CHSY3: variants seen among roughly 807,000 people sequenced by gnomAD.
CHSY3 encodes the protein chondroitin sulfate synthase 3, also known as N-acetylgalactosaminyl-proteoglycan 3-beta-glucuronosyltransferase 3.
Under a neutral mutation model 67.2 loss-of-function variants are expected in CHSY3, and 35 were observed. The ratio of observed to expected loss-of-function variants is 0.52; its 90% confidence interval spans 0.40 to 0.69. CHSY3 has a LOEUF of 0.69. Among genes scored for constraint, CHSY3 ranks in the 30% least tolerant of loss-of-function variants. The pLI is 0.00. For missense variants in CHSY3, 1,069 were observed against 1,138.5 expected (o/e 0.94, Z 0.88); for synonymous variants, 474 against 434.7 (o/e 1.09, Z -1.12).
At chr5:130,045,141 C>T (rs1380250871) in intron 2 of CHSY3, among the ~76,000 whole-genome samples, 1 of 152,076 alleles carries the variant, frequency 6.6e-6, no homozygotes, top group Non-Finnish European at 1.5e-5. Flanking sequence ...CAGACACACA[C>T]CACCATGCCT....
chr5:129,995,618 C>T (rs996325866), intron 2 of CHSY3, among the ~76,000 whole-genome samples: 1 of 149,340 alleles, frequency 6.7e-6, no homozygotes. Flanking sequence ...TTCTTCGTTC[C>T]TTCCTTCTCT....
chr5:130,024,743 A>T (rs1406818510), intron 2 of CHSY3, among the ~76,000 whole-genome samples: 2 of 152,200 alleles, frequency 1.3e-5, no homozygotes, highest in Admixed American at 6.6e-5. Flanking sequence ...AGCAGCGTTC[A>T]TAAATGATCT....
intron 2 of CHSY3, among the ~76,000 whole-genome samples, chr5:129,942,709 A>G (rs1196712786): frequency 2.6e-5 from 4 of 152,260 alleles, no homozygotes; most frequent in South Asian, 2.1e-4. Context: ...AAAGCCTATT[A>G]TCTTTGCATT....
chr5:130,086,321 T>C (rs557870917), intron 2 of CHSY3, among the ~76,000 whole-genome samples: 104 of 152,220 alleles, frequency 6.8e-4, no homozygotes, highest in African/African-American at 2.4e-3. Context: ...ATATTTAGGA[T>C]AGTTAGCTCT....
chr5:130,131,827 G>A (rs978824577), intron 2 of CHSY3, among the ~76,000 whole-genome samples: 1 of 152,148 alleles, frequency 6.6e-6, no homozygotes, highest in Non-Finnish European at 1.5e-5. Flanking sequence ...CCCAGAGCCT[G>A]GAACAATGTG....
At chr5:129,912,765 C>G (rs1760609660) in intron 2 of CHSY3, among the ~76,000 whole-genome samples, 1 of 152,092 alleles carries the variant, frequency 6.6e-6, no homozygotes, top group Non-Finnish European at 1.5e-5. Flanking sequence ...AATAAAGAGG[C>G]CTTTGGTTGA....
chr5:130,023,969 T>A lies in CHSY3; in HGVS notation c.1086+115609T>A, dbSNP rs551363518. Among the ~76,000 whole-genome samples the A allele has an allele frequency of 2.6e-5, 4 of 152,036 alleles. No homozygotes were observed. In the East Asian group the frequency reaches 7.7e-4, roughly 29 times the overall value. ...GAAATACAAGCTTTTTGGCATGAAC[T>A]ACTTATCACATTTTCCTAATACTAG... On this transcript the variant is annotated intron_variant, in intron 2 of 2. Transcript: ENST00000305031.
chr5:130,060,334 T>C (rs886563839), intron 2 of CHSY3, among the ~76,000 whole-genome samples: 1 of 152,134 alleles, frequency 6.6e-6, no homozygotes, highest in African/African-American at 2.4e-5. Flanking sequence ...TTCCAATAGA[T>C]GCAGAAAAGG....
intron 2 of CHSY3, among the ~76,000 whole-genome samples, chr5:130,112,706 T>G (rs971517602): frequency 2.6e-5 from 4 of 152,158 alleles, no homozygotes; most frequent in Non-Finnish European, 5.9e-5. Flanking sequence ...ATGGCTTAAG[T>G]TGATGAATCT....
intron 2 of CHSY3, among the ~76,000 whole-genome samples, chr5:130,147,797 C>T (rs1769114688): frequency 1.3e-5 from 2 of 152,150 alleles, no homozygotes; most frequent in African/African-American, 2.4e-5. Context: ...TAAGATAATA[C>T]ACAATTTTAT....
intron 2 of CHSY3, among the ~76,000 whole-genome samples, chr5:129,944,251 G>A (rs1445915121): frequency 6.6e-6 from 1 of 152,186 alleles, no homozygotes; most frequent in Non-Finnish European, 1.5e-5. Flanking sequence ...GAAGAAGGAG[G>A]GAGAAGACTA....
chr5:130,006,518 C>T (rs1763881051), intron 2 of CHSY3, among the ~76,000 whole-genome samples: 1 of 152,006 alleles, frequency 6.6e-6, no homozygotes, highest in Non-Finnish European at 1.5e-5. Flanking sequence ...AGAGTTTATG[C>T]TACATATTTT....
intron 2 of CHSY3, among the ~76,000 whole-genome samples, chr5:129,962,277 A>G (rs1762348075): frequency 6.6e-6 from 1 of 151,930 alleles, no homozygotes; most frequent in South Asian, 2.1e-4. Flanking sequence ...AGCCAATTGA[A>G]CAGAAACCTA....
chr5:130,038,220 T>C (rs1020461705), intron 2 of CHSY3, among the ~76,000 whole-genome samples: 2 of 152,090 alleles, frequency 1.3e-5, no homozygotes, highest in Non-Finnish European at 2.9e-5. Context: ...AATTATCCTT[T>C]CCTTTATGTT....
intron 2 of CHSY3, among the ~76,000 whole-genome samples, chr5:130,023,278 C>T (rs946210195): frequency 2.0e-5 from 3 of 151,772 alleles, no homozygotes; most frequent in African/African-American, 7.3e-5. Flanking sequence ...TTAGGAAACC[C>T]AGTTATAGGG....
At chr5:130,004,690 A>G (rs1018309418) in intron 2 of CHSY3, among the ~76,000 whole-genome samples, 4 of 152,208 alleles carry the variant, frequency 2.6e-5, no homozygotes, top group Admixed American at 1.3e-4. Flanking sequence ...GGTTTCTAAT[A>G]AAAGATTATT....
At chr5:130,068,026 T>G (rs1327141893) in intron 2 of CHSY3, among the ~76,000 whole-genome samples, 3 of 152,188 alleles carry the variant, frequency 2.0e-5, no homozygotes, top group African/African-American at 7.2e-5. Flanking sequence ...CAGGCAGCTG[T>G]AAATATGTAT....
At chr5:130,010,119 AC>A (rs1764009508) in intron 2 of CHSY3, among the ~76,000 whole-genome samples, 1 of 152,148 alleles carries the variant, frequency 6.6e-6, no homozygotes, top group Non-Finnish European at 1.5e-5. Flanking sequence ...CCTAAACTTG[AC>A]ACTTGACCAA....
chr5:130,001,026 G>C (rs1580635162), intron 2 of CHSY3, among the ~76,000 whole-genome samples: 1 of 151,782 alleles, frequency 6.6e-6, no homozygotes, highest in African/African-American at 2.4e-5. Flanking sequence ...GAGTAGCTGA[G>C]TGGTGGCACA....
Sources: gnomAD v4.1 joint callset for allele counts (sites outside exome capture counted in the v4.1 genomes callset) on GRCh38, gnomAD v4.1.1 for gene constraint, MANE v1.5 for transcripts, NCBI Gene and HGNC (gene_info 2026-07-23, HGNC 2026-07-21) for gene names.